Variants in C11orf54 observed in about 807,000 individuals in gnomAD.
The protein encoded by C11orf54 is beta-keto L-gulonate decarboxylase.
A neutral mutation model predicts 35.5 loss-of-function variants in C11orf54; 29 were observed. That is an observed-to-expected ratio of 0.82 (90% CI 0.61 to 1.11). The LOEUF (loss-of-function observed/expected upper bound fraction) is 1.11, where lower values mean the gene tolerates loss of function less well. C11orf54 is among the 50% of genes most tolerant of loss of function. The pLI is 0.00. For missense variants in C11orf54, 373 were observed against 369.2 expected (o/e 1.01, Z -0.08); for synonymous variants, 108 against 121.1 (o/e 0.89, Z 0.71).
At chr11:93,753,307 T>G (rs1462617028) in intron 3 of C11orf54, among the ~76,000 whole-genome samples, 1 of 149,940 alleles carries the variant, frequency 6.7e-6, no homozygotes, top group Non-Finnish European at 1.5e-5. Context: ...ATATTTTAAA[T>G]TAAAAAACAA....
Position 93,762,562 on chromosome 11 carries a change from A to G in C11orf54, c.*874A>G, listed in dbSNP as rs1161630047. ...CCGAGTGGGAGGATTGCCTGAGCCT[A>G]GGAGTTTAAACCAGCCTGGGCACCA... On this transcript the variant is annotated 3_prime_UTR_variant, in exon 9 of 9. Coordinates refer to ENST00000354421, the MANE Select transcript of C11orf54 (RefSeq NM_001286069.2). The G allele has an allele frequency of 2.0e-5, 3 of 152,182 alleles. No individual in the cohort carries two copies. Among genetic ancestry groups the G allele is most frequent in the African/African-American group, 7.2e-5 (3 of 41,444 alleles). 9.4% of individuals were successfully genotyped at this position (152,182 alleles called of 1,614,324 possible). A position where few individuals can be genotyped will look rare whatever the true frequency, so the allele number is the denominator to read the frequency against.
chr11:93,751,805 G>T (rs1014817314), intron 3 of C11orf54, among the ~76,000 whole-genome samples: 5 of 147,124 alleles, frequency 3.4e-5, no homozygotes, highest in African/African-American at 1.2e-4. Context: ...CAAGAAAGAA[G>T]GAAAAATGGT....
rs572609008 is a variant in C11orf54 at position 93,757,376 on chromosome 11, G to C, written c.568G>C (p.Glu190Gln). Residue 190 changes from glutamate (E) to glutamine (Q), a missense_variant, in exon 7 of 9, where the codon GAG becomes CAG. Transcript: ENST00000354421. ...GPLNFVTCMRETLEKHYGNKP... is the reference protein window; with the variant it reads ...GPLNFVTCMRQTLEKHYGNKP... ...ACTTAACTTTGTGACTTGTATGAGA[G>C]AGACCCTGGAAAAACATTATGGAAA... The C allele has an allele frequency of 1.3e-6, 2 of 1,598,224 alleles. No homozygotes were observed. The highest frequency in any genetic ancestry group is 1.7e-6 in the Non-Finnish European group (2 of 1,179,736).
Position 93,757,478 on chromosome 11 carries a change from G to A in C11orf54, c.657+13G>A, listed in dbSNP as rs748738407. ...GTCTCACATTATGGTAAGAGCCCATGTGTGCATACATGCATGAAGGAGTTT... is the reference window on the plus strand; with the variant it reads ...GTCTCACATTATGGTAAGAGCCCATATGTGCATACATGCATGAAGGAGTTT... On this transcript the variant is annotated intron_variant, in intron 7 of 8. Coordinates refer to ENST00000354421, the MANE Select transcript of C11orf54 (RefSeq NM_001286069.2). 5 of 1,595,936 alleles carry A rather than the reference G, an allele frequency of 3.1e-6. No homozygotes were observed. In the Admixed American group the frequency reaches 6.7e-5, roughly 21 times the overall value.
chr11:93,753,318 G>A (rs1034280075), intron 3 of C11orf54, among the ~76,000 whole-genome samples: 9 of 131,442 alleles, frequency 6.8e-5, no homozygotes, highest in African/African-American at 1.0e-4. Context: ...TAAAAAACAA[G>A]AAACAATTTT....
chr11:93,758,264 T>C (rs926220322), intron 7 of C11orf54, among the ~76,000 whole-genome samples: 1 of 152,186 alleles, frequency 6.6e-6, no homozygotes, highest in Non-Finnish European at 1.5e-5. Flanking sequence ...TGGAGCTCCG[T>C]TGGTGCCGCT....
chr11:93,743,554 G>A (rs1942277807), intron 1 of C11orf54, among the ~76,000 whole-genome samples: 1 of 152,174 alleles, frequency 6.6e-6, no homozygotes, highest in Non-Finnish European at 1.5e-5. Context: ...ATGGGAGGGT[G>A]CGTGGGGGTG....
intron 5 of C11orf54, chr11:93,754,737 T>TTC (rs1282547864): frequency 7.1e-6 from 1 of 139,974 alleles, no homozygotes; most frequent in Non-Finnish European, 1.5e-5. Context: ...TCTTTTTTTT[T>TTC]TTTTTTTTTT....
intron 6 of C11orf54, among the ~76,000 whole-genome samples, chr11:93,755,969 C>T (rs745921678): frequency 6.6e-6 from 1 of 151,846 alleles, no homozygotes; most frequent in South Asian, 2.1e-4. Flanking sequence ...GCATTTGAGA[C>T]CAGTCTGGCC....
At chr11:93,758,669 C>T (rs1943295489) in intron 7 of C11orf54, among the ~76,000 whole-genome samples, 1 of 152,240 alleles carries the variant, frequency 6.6e-6, no homozygotes, top group African/African-American at 2.4e-5. Context: ...CACACCAGCC[C>T]CCTGCCGTCC....
At position 93,753,723 on chromosome 11, in the gene C11orf54, CCTTA is replaced by C. The variant is rs757566513; in HGVS notation, c.201_204del (p.Leu68CysfsTer4). ...TAGAATTGCAGAAGTTGGAGGTGTG[CCTTA>C]CTTATTGCCTCTTGTAAACCAAAAA... On this transcript the variant is annotated frameshift_variant, in exon 4 of 9. Coordinates refer to ENST00000354421, the MANE Select transcript of C11orf54 (RefSeq NM_001286069.2). LOFTEE classifies it high-confidence loss of function. The C allele has an allele frequency of 1.9e-6, 3 of 1,613,830 alleles. No individual in the cohort carries two copies. The highest frequency in any genetic ancestry group is 1.7e-5 in the Admixed American group (1 of 59,976).
chr11:93,745,127 C>T (rs946649878), intron 1 of C11orf54, among the ~76,000 whole-genome samples: 1 of 152,208 alleles, frequency 6.6e-6, no homozygotes, highest in African/African-American at 2.4e-5. Context: ...TTTCTCCTAT[C>T]TCAGAATAGA....
At chr11:93,751,538 G>A (rs969800920) in intron 3 of C11orf54, among the ~76,000 whole-genome samples, 21 of 151,004 alleles carry the variant, frequency 1.4e-4, no homozygotes, top group African/African-American at 4.4e-4. Flanking sequence ...CTGAGTAGCT[G>A]AGACTACAGG....
At chr11:93,758,965 T>G (rs1005330301) in intron 7 of C11orf54, among the ~76,000 whole-genome samples, 1 of 152,206 alleles carries the variant, frequency 6.6e-6, no homozygotes, top group African/African-American at 2.4e-5. Flanking sequence ...ATCATCCCAC[T>G]GCACTCCAGC....
rs756604054 is a variant in C11orf54, at chr11:93,747,500, C to A, written c.55+52C>A. On this transcript the variant is annotated intron_variant, in intron 2 of 8. Transcript: ENST00000354421. ...TTAAAAATTATCCCAAGAGAAAATT[C>A]TTTTAAAAAGATTCTAAGATCTATC... The A allele has an allele frequency of 3.5e-5, 49 of 1,419,472 alleles. 1 individual carries two copies. Among genetic ancestry groups the A allele is most frequent in the Admixed American group, 2.3e-4 (11 of 48,206 alleles). 87.9% of individuals were successfully genotyped at this position (1,419,472 alleles called of 1,614,324 possible). A position where few individuals can be genotyped will look rare whatever the true frequency, so the allele number is the denominator to read the frequency against.
Position 93,741,741 on chromosome 11 carries a change from G to C in C11orf54, c.-98+13G>C. 1 of 321,046 alleles carries C rather than the reference G, an allele frequency of 3.1e-6. No homozygotes were observed. The highest frequency in any genetic ancestry group is 2.4e-5 in the South Asian group (1 of 41,626). 19.9% of individuals were successfully genotyped at this position (321,046 alleles called of 1,614,324 possible). On this transcript the variant is annotated intron_variant, in intron 1 of 8. Transcript: ENST00000354421. ...CGTGACCGTTTAGGTGAGTGGAATA[G>C]CCAAGAACATTTCGGCAAATAACAA...
chr11:93,761,662 G>A lies in C11orf54; in HGVS notation c.922G>A (p.Glu308Lys). Residue 308 changes from glutamate to lysine, a missense_variant, in exon 9 of 9, where the codon GAG (glutamate) becomes AAG (lysine). Transcript: ENST00000354421. ...EFLYRIDQPK[E>K]THSIGRD is the part of the protein sequence containing the mutation. ...TCTCTATCGCATTGATCAACCAAAA[G>A]AGACGCATTCAATTGGGCGAGATTA... 1.9e-6 allele frequency: 3 copies of A among 1,604,944 alleles called. No individual in the cohort carries two copies. The highest frequency in any genetic ancestry group is 2.5e-6 in the Non-Finnish European group (3 of 1,177,212).
rs1014672739 is a variant in C11orf54, at chr11:93,763,388, A to C, written c.*1700A>C. 4 of 152,142 alleles carry C rather than the reference A, an allele frequency of 2.6e-5. No individual in the cohort carries two copies. Among genetic ancestry groups the C allele is most frequent in the Non-Finnish European group, 5.9e-5 (4 of 68,026 alleles). 9.4% of individuals were successfully genotyped at this position (152,142 alleles called of 1,614,324 possible). On this transcript the variant is annotated 3_prime_UTR_variant, in exon 9 of 9. Transcript: ENST00000354421. The stretch of plus-strand genomic sequence containing the variant: ...TAGATGGACTGTAAAGGAGGATGCT[A>C]TTTTTTTGTGGCCATCCCGCACTGA...
chr11:93,752,393 G>T (rs1942885302), intron 3 of C11orf54, among the ~76,000 whole-genome samples: 1 of 152,082 alleles, frequency 6.6e-6, no homozygotes, highest in South Asian at 2.1e-4. Context: ...ACATGAACTG[G>T]TCTTGCTAAG....
Sources: gnomAD v4.1 joint callset for allele counts (sites outside exome capture counted in the v4.1 genomes callset) on GRCh38, gnomAD v4.1.1 for gene constraint, MANE v1.5 for transcripts, NCBI Gene and HGNC (gene_info 2026-07-23, HGNC 2026-07-21) for gene names.